Variants in SDC3 observed in about 807,000 individuals in gnomAD.
SDC3 encodes syndecan-3.
In SDC3, 13 loss-of-function variants were observed where a neutral mutation model predicts 24.4. The ratio of observed to expected loss-of-function variants is 0.53; its 90% CI spans 0.35 to 0.85. The LOEUF is 0.85. Among genes scored for constraint, SDC3 ranks in the 40% least tolerant of loss-of-function variants. SDC3 has a pLI of 0.01. For missense variants in SDC3, 571 were observed against 584.5 expected (o/e 0.98, Z 0.24); for synonymous variants, 295 against 260.9 (o/e 1.13, Z -1.26).
intron 1 of SDC3, among the ~76,000 whole-genome samples, chr1:30,898,007 A>C (rs1437560488): frequency 6.6e-6 from 1 of 151,998 alleles, no homozygotes; most frequent in Non-Finnish European, 1.5e-5. Flanking sequence ...CTTGGTTTGG[A>C]CTCAAAGCCC....
intron 1 of SDC3, among the ~76,000 whole-genome samples, chr1:30,904,571 G>A (rs1570033544): frequency 6.6e-6 from 1 of 152,068 alleles, no homozygotes; most frequent in Admixed American, 6.6e-5. Flanking sequence ...ACAGCTGGAG[G>A]CATTGTGCTC....
At chr1:30,887,466 G>T (rs1490230656) in intron 1 of SDC3, among the ~76,000 whole-genome samples, 1 of 152,144 alleles carries the variant, frequency 6.6e-6, no homozygotes, top group African/African-American at 2.4e-5. Flanking sequence ...GCCTAGTGGT[G>T]ATAGGCAGTT....
At chr1:30,878,541 G>GCCCC in intron 2 of SDC3, 82 bp downstream of exon 2, 1 of 1,133,236 alleles carries the variant, frequency 8.8e-7, no homozygotes, top group South Asian at 1.3e-5. Flanking sequence ...ACTGAAGCAA[G>GCCCC]CCCCCCGTGG....
intron 4 of SDC3, among the ~76,000 whole-genome samples, chr1:30,873,670 A>T (rs1639581692): frequency 6.6e-6 from 1 of 152,166 alleles, no homozygotes; most frequent in Non-Finnish European, 1.5e-5. Context: ...AAGATGCCCC[A>T]GTATTTTATA....
chr1:30,898,165 G>A (rs1638323085), intron 1 of SDC3, among the ~76,000 whole-genome samples: 1 of 152,116 alleles, frequency 6.6e-6, no homozygotes, highest in African/African-American at 2.4e-5. Context: ...AGAAAGGGCG[G>A]CCCCTACAGC....
intron 1 of SDC3, among the ~76,000 whole-genome samples, chr1:30,893,609 T>C (rs1639940156): frequency 6.6e-6 from 1 of 151,688 alleles, no homozygotes; most frequent in Non-Finnish European, 1.5e-5. Flanking sequence ...AACTTCAACA[T>C]CTCTTGGTTG....
At chr1:30,904,139 C>T (rs148231086) in intron 1 of SDC3, among the ~76,000 whole-genome samples, 2,996 of 152,138 alleles carry the variant, frequency 0.02, 36 homozygotes, top group Non-Finnish European at 0.025. Flanking sequence ...GTGGGAGAAT[C>T]GCTTGTACTC....
Position 30,878,673 on chromosome 1 carries a change from G to A in SDC3, c.206C>T (p.Ser69Phe). The A allele has an allele frequency of 6.2e-7, 1 of 1,614,190 alleles. No individual in the cohort carries two copies. The highest frequency in any genetic ancestry group is 8.5e-7 in the Non-Finnish European group (1 of 1,180,010). The stretch of plus-strand genomic sequence containing the variant: ...GTCATCCAGTTCATCATCGGGAAAG[G>A]AGTCATCATCCCCAGAGCCCTCCAG... Reference protein sequence around the residue: ...VDLEGSGDDDSFPDDELDDLY... With the variant: ...VDLEGSGDDDFFPDDELDDLY... The change falls in exon 2 of 5, where the codon TCC becomes TTC. Residue 69 changes from serine (S) to phenylalanine (F), a missense_variant. This residue lies in a region of SDC3 where 497 missense variants were observed against 471.6 expected (regional missense o/e 1.05). Coordinates refer to ENST00000339394, the MANE Select transcript of SDC3 (RefSeq NM_014654.4).
intron 1 of SDC3, among the ~76,000 whole-genome samples, chr1:30,905,196 G>T (rs1262185897): frequency 6.6e-6 from 1 of 152,096 alleles, no homozygotes; most frequent in Non-Finnish European, 1.5e-5. Flanking sequence ...CAGTCACCCA[G>T]GGGAGCCTGG....
chr1:30,901,360 C>T (rs1226752611), intron 1 of SDC3, among the ~76,000 whole-genome samples: 6 of 152,226 alleles, frequency 3.9e-5, no homozygotes, highest in Non-Finnish European at 8.8e-5. Flanking sequence ...GGCCAGGGCC[C>T]ATGTGACAGA....
Position 30,869,715 on chromosome 1 carries a change from G to T in SDC3, c.*3496C>A, listed in dbSNP as rs545756786. On this transcript the variant is annotated 3_prime_UTR_variant, in exon 5 of 5. Coordinates refer to ENST00000339394, the MANE Select transcript of SDC3 (RefSeq NM_014654.4). ...CAGGACAGGTATGGTTAATAAACAG[G>T]TTACAGGGGAGAGAAGGGGCAGGGA... The T allele has an allele frequency of 1.3e-5, 5 of 398,676 alleles. No individual in the cohort carries two copies. In the South Asian group the frequency reaches 5.1e-4, roughly 41 times the overall value. The allele number at this position is 398,676 out of a possible 1,614,324, so 24.7% of individuals were successfully genotyped here.
At chr1:30,877,517 C>A in intron 2 of SDC3, 1 of 529,944 alleles carries the variant, frequency 1.9e-6, no homozygotes. Context: ...TGCAGGGGAA[C>A]ACAGGAGTGG....
intron 3 of SDC3, among the ~76,000 whole-genome samples, chr1:30,875,120 G>A (rs1484976916): frequency 5.9e-5 from 9 of 152,218 alleles, no homozygotes; most frequent in Non-Finnish European, 1.3e-4. Flanking sequence ...AACCAGCTCA[G>A]TGACTGACAA....
chr1:30,901,392 C>T (rs1638411732), intron 1 of SDC3, among the ~76,000 whole-genome samples: 1 of 152,230 alleles, frequency 6.6e-6, no homozygotes, highest in East Asian at 1.9e-4. Flanking sequence ...CGAGATGCTC[C>T]CTGGCTGGGA....
intron 1 of SDC3, among the ~76,000 whole-genome samples, chr1:30,883,006 G>T (rs547797346): frequency 6.6e-6 from 1 of 152,324 alleles, no homozygotes; most frequent in South Asian, 2.1e-4. Context: ...AGCCACGATT[G>T]CTGTTAGTTT....
Position 30,869,580 on chromosome 1 carries a change from C to G in SDC3, c.*3631G>C, listed in dbSNP as rs1045619074. ...AAAAAAACAAAAACAAAACCAGTTC[C>G]TTCACAAGGCTGGAACAGGAGAGTA... On this transcript the variant is annotated 3_prime_UTR_variant, in exon 5 of 5. Coordinates refer to ENST00000339394, the MANE Select transcript of SDC3 (RefSeq NM_014654.4). The G allele has an allele frequency of 2.5e-6, 1 of 397,130 alleles. No individual in the cohort carries two copies. The highest frequency in any genetic ancestry group is 4.4e-6 in the Non-Finnish European group (1 of 225,626). 24.6% of individuals were successfully genotyped at this position (397,130 alleles called of 1,614,324 possible).
At chr1:30,895,863 A>AGGAG (rs1464495698) in intron 1 of SDC3, among the ~76,000 whole-genome samples, 1 of 16,432 alleles carries the variant, frequency 6.1e-5, no homozygotes, top group Non-Finnish European at 1.2e-4. Flanking sequence ...GGAGGGTGGG[A>AGGAG]GGAGGGAGGG....
At chr1:30,903,306 C>T (rs1280459228) in intron 1 of SDC3, among the ~76,000 whole-genome samples, 1 of 152,178 alleles carries the variant, frequency 6.6e-6, no homozygotes. Flanking sequence ...TGGCACATAT[C>T]AGGGCTTATG....
Position 30,881,029 on chromosome 1 carries a change from A to G in SDC3, c.139-2289T>C, listed in dbSNP as rs539300125. ...CCCCAAGACACGCGCGCACGCATGC[A>G]CACACACACACACACACACACACAC... On this transcript the variant is annotated intron_variant, in intron 1 of 4. Transcript: ENST00000339394. Among the ~76,000 whole-genome samples, 10 of 130,278 alleles carry G rather than the reference A, an allele frequency of 7.7e-5. No homozygotes were observed. In the South Asian group the frequency reaches 2.1e-3, roughly 28 times the overall value. 85.5% of individuals were successfully genotyped at this position (130,278 alleles called of 152,430 possible).
Sources: allele counts gnomAD v4.1 joint callset (sites outside exome capture counted in the v4.1 genomes callset), GRCh38; gene constraint gnomAD v4.1.1; regional missense constraint gnomAD v4.1.1; transcripts MANE v1.5; gene names NCBI Gene and HGNC (gene_info 2026-07-23, HGNC 2026-07-21).